TCTN1: variants seen among roughly 807,000 people sequenced by gnomAD.
TCTN1 encodes tectonic-1.
In TCTN1, 58 loss-of-function variants were observed where a neutral mutation model predicts 65.8. That is an observed-to-expected ratio of 0.88 (90% CI 0.71 to 1.10). TCTN1 has a LOEUF of 1.10. Ranked by LOEUF, TCTN1 falls within the 50% of genes least tolerant of loss-of-function variation. TCTN1 has a pLI of 0.00. For synonymous variants in TCTN1, 273 were observed against 289.1 expected, an observed-to-expected ratio of 0.94 and a Z score of 0.57; for missense variants, 645 against 719.4, an observed-to-expected ratio of 0.90 and a Z score of 1.18.
In TCTN1 at chr12:110,640,403, C is replaced by G; in HGVS notation, c.864C>G (p.Ser288=). The change falls in exon 8 of 15, where the codon TCC becomes TCG. Residue 288 remains serine (S), a synonymous_variant. Transcript: ENST00000397659. The surrounding 1 kb of genome is among the most constrained non-coding windows in gnomAD (Gnocchi z 4.9). ...SRKKVPITVQ[S]IVIQSLNKTL... ...TGCAGGTCCCTATCACTGTTCAGTC[C>G]ATCGTCATTCAGTCTCTAAATAAAA... The G allele has an allele frequency of 6.2e-7, 1 of 1,614,076 alleles. No individual in the cohort carries two copies. The highest frequency in any genetic ancestry group is 8.5e-7 in the Non-Finnish European group (1 of 1,179,968).
At chr12:110,623,689 A>AGGTAGGAG (rs2135946341) in intron 2 of TCTN1, among the ~76,000 whole-genome samples, 1 of 152,320 alleles carries the variant, frequency 6.6e-6, no homozygotes, top group South Asian at 2.1e-4. Flanking sequence ...CCTGGGCTCA[A>AGGTAGGAG]GCAGTCCTCC....
Position 110,634,798 on chromosome 12 carries a change from T to A in TCTN1, c.822+19T>A. On this transcript the variant is annotated intron_variant, in intron 6 of 14. Transcript: ENST00000397659. ...TCTGAGGGTAAGAATTATTTTGAAG[T>A]GGAACTTACTCATTAGGTATGTTTC... is the stretch of plus-strand genomic sequence containing the variant. The A allele has an allele frequency of 6.4e-7, 1 of 1,553,570 alleles. No homozygotes were observed. Among genetic ancestry groups the A allele is most frequent in the Non-Finnish European group, 8.8e-7 (1 of 1,131,300 alleles).
intron 2 of TCTN1, among the ~76,000 whole-genome samples, chr12:110,621,735 G>A (rs908824927): frequency 1.3e-5 from 2 of 151,448 alleles, no homozygotes; most frequent in Admixed American, 1.3e-4. Flanking sequence ...GCCTCCCAAA[G>A]TGCTGGGATT....
intron 2 of TCTN1, among the ~76,000 whole-genome samples, chr12:110,624,373 C>T (rs943179283): frequency 2.6e-5 from 4 of 151,462 alleles, no homozygotes; most frequent in Non-Finnish European, 2.9e-5. Context: ...GCCAGCATGC[C>T]GGACTAATTT....
At chr12:110,642,451 T>G in intron 11 of TCTN1, 62 bp downstream of exon 11, 1 of 1,612,576 alleles carries the variant, frequency 6.2e-7, no homozygotes, top group Non-Finnish European at 8.5e-7. Flanking sequence ...CATTCTCACT[T>G]TTCCCCATTT....
At chr12:110,645,158 C>G (rs1308355679) in intron 12 of TCTN1, 29 bp downstream of exon 12, 2 of 1,611,990 alleles carry the variant, frequency 1.2e-6, no homozygotes, top group African/African-American at 2.7e-5. Flanking sequence ...AGGTTCCATG[C>G]TAGTGGTCTC....
chr12:110,628,627 C>T, intron 3 of TCTN1, 140 bp from the exon 4 acceptor site: 1 of 787,798 alleles, frequency 1.3e-6, no homozygotes, highest in Non-Finnish European at 2.0e-6. Context: ...AGGCGTGAGC[C>T]CATGCGCCCA....
intron 10 of TCTN1, 84 bp downstream of exon 10, chr12:110,641,711 C>G: frequency 1.4e-6 from 2 of 1,394,058 alleles, no homozygotes; most frequent in East Asian, 2.3e-5. Context: ...CTGAGGCTCC[C>G]CTGGGCTGCT....
intron 5 of TCTN1, chr12:110,634,280 G>A (rs2066414868): frequency 5.0e-6 from 2 of 402,800 alleles, no homozygotes; most frequent in Non-Finnish European, 1.0e-5. Flanking sequence ...GGGACTGGTG[G>A]TAGCTGGGGG....
intron 1 of TCTN1, among the ~76,000 whole-genome samples, chr12:110,615,861 C>T (rs949737794): frequency 3.2e-4 from 49 of 152,324 alleles, no homozygotes; most frequent in Non-Finnish European, 6.6e-4. Flanking sequence ...CAGCTGAGAT[C>T]TTGAACTCTA....
intron 14 of TCTN1, among the ~76,000 whole-genome samples, chr12:110,648,468 CA>C (rs1268814603): frequency 1.3e-5 from 2 of 152,174 alleles, no homozygotes; most frequent in African/African-American, 4.8e-5. Context: ...GGACTTGAAG[CA>C]GCAGAGGCAA....
chr12:110,627,809 G>A, intron 3 of TCTN1: 1 of 587,528 alleles, frequency 1.7e-6, no homozygotes, highest in South Asian at 2.1e-5. Flanking sequence ...ACATGTACAT[G>A]TAAAATGTTA....
rs1434718281 is a variant in TCTN1, at chr12:110,639,132, A to G, written c.844-1251A>G. On this transcript the variant is annotated intron_variant, in intron 7 of 14. Transcript: ENST00000397659. This position sits in a 1 kb window ranked among gnomAD's most constrained non-coding sequence, Gnocchi z 4.9. ...TTGGTCATTTTGAATTATAAACAGCATGGTGCATGATTGAGTGCAAGTTCA... is the reference window on the plus strand; with the variant it reads ...TTGGTCATTTTGAATTATAAACAGCGTGGTGCATGATTGAGTGCAAGTTCA... Among the ~76,000 whole-genome samples, 1 of 152,260 alleles carries G rather than the reference A, an allele frequency of 6.6e-6. No homozygotes were observed. Among genetic ancestry groups the G allele is most frequent in the Non-Finnish European group, 1.5e-5 (1 of 68,042 alleles).
rs2066874012 is a variant in TCTN1 at position 110,640,359 on chromosome 12, A to G, written c.844-24A>G. 6.2e-7 allele frequency: 1 copy of G among 1,614,070 alleles called. No homozygotes were observed. The highest frequency in any genetic ancestry group is 8.5e-7 in the Non-Finnish European group (1 of 1,180,000). ...ATCCTCCCTGGGTAGAGCATCTTCA[A>G]CACTCCAGGTCTTCACTCTGCAGGT... On this transcript the variant is annotated intron_variant, in intron 7 of 14. Transcript: ENST00000397659. The surrounding 1 kb of genome is among the most constrained non-coding windows in gnomAD (Gnocchi z 4.9).
Position 110,641,061 on chromosome 12 carries a change from T to C in TCTN1, c.1016T>C (p.Val339Ala). 1 of 1,614,248 alleles carries C rather than the reference T, an allele frequency of 6.2e-7. No individual in the cohort carries two copies. The highest frequency in any genetic ancestry group is 1.3e-5 in the African/African-American group (1 of 75,068). Residue 339 changes from valine to alanine, a missense_variant, in exon 9 of 15, where the codon GTC (valine) becomes GCC (alanine). By Grantham distance (64) the Val-to-Ala change is moderately conservative (BLOSUM62 0). Coordinates refer to ENST00000397659, the MANE Select transcript of TCTN1 (RefSeq NM_001082538.3). ...CTCACATACACAGATGCAGGTGAAGTCACCAAAGCTGATCTCTCATTCGTT... is the reference window on the plus strand; with the variant it reads ...CTCACATACACAGATGCAGGTGAAGCCACCAAAGCTGATCTCTCATTCGTT... ...YSLTYTDAGE[V>A]TKADLSFVLG...
rs574360617 is a variant in TCTN1 at position 110,647,731 on chromosome 12, T to G, written c.1636-18T>G. On this transcript the variant is annotated intron_variant, in intron 13 of 14. Coordinates refer to ENST00000397659, the MANE Select transcript of TCTN1 (RefSeq NM_001082538.3). ...AGCACACTGGAGGGTGGGCCTTGCA[T>G]CTCTCTGTTTATTACAGGCCAACTC... 4.0e-5 allele frequency: 64 copies of G among 1,585,218 alleles called. No individual in the cohort carries two copies. The East Asian group carries it at 1.4e-3, about 34-fold the overall frequency.
At chr12:110,625,011 A>G (rs984213558) in intron 2 of TCTN1, among the ~76,000 whole-genome samples, 6 of 152,202 alleles carry the variant, frequency 3.9e-5, no homozygotes, top group Admixed American at 3.3e-4. Flanking sequence ...ATAACTTCTA[A>G]GCATTAAACC....
At position 110,628,887 on chromosome 12, in the gene TCTN1, A is replaced by G; in HGVS notation, c.593A>G (p.Lys198Arg). The G allele has an allele frequency of 6.2e-7, 1 of 1,613,724 alleles. No homozygotes were observed. Among genetic ancestry groups the G allele is most frequent in the East Asian group, 2.2e-5 (1 of 44,820 alleles). Residue 198 changes from lysine (K) to arginine (R), a missense_variant, in exon 4 of 15, where the codon AAA becomes AGA. Lys to Arg is a conservative substitution (Grantham distance 26). Coordinates refer to ENST00000397659, the MANE Select transcript of TCTN1 (RefSeq NM_001082538.3). ...NAESYVSFTT[K>R]LDIPTAAKYE... ...GAATCATATGTTTCCTTCACAACCA[A>G]ACTGGATATTCCTACTGCTGCTAAA...
chr12:110,620,054 C>G, intron 2 of TCTN1, 98 bp downstream of exon 2: 12 of 1,558,136 alleles, frequency 7.7e-6, no homozygotes, highest in Non-Finnish European at 9.7e-6. Flanking sequence ...AAACCCAAAC[C>G]TGATTTCCAG....
Sources: allele counts gnomAD v4.1 joint callset (sites outside exome capture counted in the v4.1 genomes callset), GRCh38; gene constraint gnomAD v4.1.1; non-coding constraint Gnocchi (gnomAD v3.1); transcripts MANE v1.5; gene names NCBI Gene and HGNC (gene_info 2026-07-23, HGNC 2026-07-21).